Variants in SEMA3E observed in about 807,000 individuals in gnomAD.
SEMA3E encodes the protein semaphorin 3E, also known as semaphorin-3E.
SEMA3E carries 49 observed loss-of-function variants against 93.6 expected under a neutral mutation model. That is an observed-to-expected ratio of 0.52 (90% CI 0.42 to 0.66). SEMA3E has a LOEUF of 0.66. Ranked by LOEUF, SEMA3E falls within the 30% of genes least tolerant of loss-of-function variation. The pLI, the probability that SEMA3E is intolerant of heterozygous loss-of-function variation, is 0.00. For missense variants in SEMA3E, 906 were observed against 964.8 expected (o/e 0.94, Z 0.81); for synonymous variants, 363 against 330.7 (o/e 1.10, Z -1.06).
intron 1 of SEMA3E, among the ~76,000 whole-genome samples, chr7:83,556,754 C>G (rs1334746623): frequency 6.6e-6 from 1 of 152,124 alleles, no homozygotes; most frequent in Admixed American, 6.5e-5. Context: ...AACTTAATCC[C>G]CAGTGAAACA....
intron 9 of SEMA3E, among the ~76,000 whole-genome samples, chr7:83,404,991 C>T (rs1788300129): frequency 1.3e-5 from 2 of 151,858 alleles, no homozygotes; most frequent in Non-Finnish European, 2.9e-5. Context: ...AAAATCAGAC[C>T]ATTAGTGAAC....
rs759436104 is a variant in SEMA3E at position 83,367,805 on chromosome 7, C to A, written c.2109G>T (p.Ser703=). 3.7e-6 allele frequency: 6 copies of A among 1,613,956 alleles called. No homozygotes were observed. The highest frequency in any genetic ancestry group is 2.2e-5 in the South Asian group (2 of 91,088). The change falls in exon 17 of 17, where the codon TCG becomes TCT. Residue 703 remains serine, a synonymous_variant. Transcript: ENST00000643230. ...RMPCPAQSSI[S]QGAKPWYKEF... ...CCTTGTACCATGGTTTTGCTCCCTGCGAGATGCTACTCTGAGCAGGACAAG... is the reference window on the plus strand; with the variant it reads ...CCTTGTACCATGGTTTTGCTCCCTGAGAGATGCTACTCTGAGCAGGACAAG...
intron 1 of SEMA3E, among the ~76,000 whole-genome samples, chr7:83,568,687 T>C (rs1479869614): frequency 2.0e-5 from 3 of 152,068 alleles, no homozygotes; most frequent in Non-Finnish European, 2.9e-5. Context: ...TTGTGATAAA[T>C]ACTCTCAAAA....
At chr7:83,405,607 C>A in intron 8 of SEMA3E, 88 bp from the exon 9 acceptor site, 1 of 1,078,436 alleles carries the variant, frequency 9.3e-7, no homozygotes, top group Non-Finnish European at 1.4e-6. Context: ...TTGTTTAGAA[C>A]TCATTATAGA....
intron 16 of SEMA3E, among the ~76,000 whole-genome samples, chr7:83,369,113 T>C (rs1794717336): frequency 6.6e-6 from 1 of 152,206 alleles, no homozygotes; most frequent in Non-Finnish European, 1.5e-5. Flanking sequence ...CCCAGGATCT[T>C]ACGATAATGG....
At chr7:83,564,634 C>G (rs1414537165) in intron 1 of SEMA3E, among the ~76,000 whole-genome samples, 1 of 152,128 alleles carries the variant, frequency 6.6e-6, no homozygotes, top group Non-Finnish European at 1.5e-5. Context: ...CACAATCACT[C>G]TTTCTCCCAA....
At chr7:83,542,377 A>G (rs1393343590) in intron 1 of SEMA3E, among the ~76,000 whole-genome samples, 1 of 152,056 alleles carries the variant, frequency 6.6e-6, no homozygotes, top group Non-Finnish European at 1.5e-5. Context: ...TGATAACTAG[A>G]ATTAGAAAAA....
chr7:83,454,231 G>C (rs1158008999), intron 4 of SEMA3E, among the ~76,000 whole-genome samples: 9 of 127,980 alleles, frequency 7.0e-5, no homozygotes, highest in East Asian at 2.4e-4. Context: ...GCACTCCAGC[G>C]TGGGCGACAG....
At chr7:83,551,832 C>T (rs953648928) in intron 1 of SEMA3E, among the ~76,000 whole-genome samples, 2 of 152,076 alleles carry the variant, frequency 1.3e-5, no homozygotes, top group Admixed American at 1.3e-4. Context: ...GTAGCAGCAT[C>T]CCTAGCCTCT....
intron 6 of SEMA3E, among the ~76,000 whole-genome samples, chr7:83,407,663 AT>A (rs1258720555): frequency 1.3e-5 from 2 of 152,142 alleles, no homozygotes; most frequent in Non-Finnish European, 2.9e-5. Context: ...TTTATTTTTA[AT>A]TCATAAATGA....
rs1157909740 is a variant in SEMA3E, at chr7:83,464,498, CT to C, written c.456+1983del. ...TCCAAGCCATCACAGCTGATATCTC[CT>C]GGTGCTATCCCCAAACTGCCACTCT... On this transcript the variant is annotated intron_variant, in intron 4 of 16. Transcript: ENST00000643230. Among the ~76,000 whole-genome samples, 20 of 108,350 alleles carry C rather than the reference CT, an allele frequency of 1.8e-4. 2 individuals carry two copies. The highest frequency in any genetic ancestry group is 4.8e-4 in the African/African-American group (17 of 35,238). The allele number at this position is 108,350 out of a possible 152,430, so 71.1% of individuals were successfully genotyped here.
intron 4 of SEMA3E, among the ~76,000 whole-genome samples, chr7:83,453,409 A>G (rs550285932): frequency 2.3e-5 from 3 of 132,146 alleles, no homozygotes; most frequent in Non-Finnish European, 4.8e-5. Context: ...AAATAATCCC[A>G]TTCTCCCTAC....
intron 1 of SEMA3E, among the ~76,000 whole-genome samples, chr7:83,567,724 T>G (rs973452102): frequency 4.5e-4 from 69 of 151,922 alleles, no homozygotes; most frequent in African/African-American, 1.6e-3. Context: ...TCCTGAAACA[T>G]AATATACAAA....
chr7:83,418,084 T>G (rs188981124), intron 5 of SEMA3E, among the ~76,000 whole-genome samples: 12 of 152,248 alleles, frequency 7.9e-5, no homozygotes, highest in African/African-American at 2.2e-4. Context: ...TCTGGCAAAA[T>G]TTTTATAAAG....
At chr7:83,457,910 T>A (rs1789523105) in intron 4 of SEMA3E, among the ~76,000 whole-genome samples, 1 of 152,108 alleles carries the variant, frequency 6.6e-6, no homozygotes, top group African/African-American at 2.4e-5. Context: ...ATCAAAGTAT[T>A]CTCCTTGCCT....
chr7:83,586,085 C>G (rs1792620885), intron 1 of SEMA3E, among the ~76,000 whole-genome samples: 1 of 152,084 alleles, frequency 6.6e-6, no homozygotes, highest in African/African-American at 2.4e-5. Flanking sequence ...TCTTTGCAAA[C>G]AAATTATGGA....
chr7:83,545,566 A>AAAAAAAG (rs1554336843), intron 1 of SEMA3E, among the ~76,000 whole-genome samples: 6 of 105,884 alleles, frequency 5.7e-5, no homozygotes, highest in Admixed American at 9.5e-5. Context: ...AAAAAAAAAA[A>AAAAAAAG]AAAGAAATAG....
intron 1 of SEMA3E, among the ~76,000 whole-genome samples, chr7:83,634,295 T>C (rs1793839651): frequency 6.6e-6 from 1 of 152,202 alleles, no homozygotes; most frequent in South Asian, 2.1e-4. Flanking sequence ...TTTATTAGTG[T>C]GTAAGCTATC....
At chr7:83,554,320 T>A (rs1791837184) in intron 1 of SEMA3E, among the ~76,000 whole-genome samples, 1 of 152,132 alleles carries the variant, frequency 6.6e-6, no homozygotes, top group Non-Finnish European at 1.5e-5. Context: ...ATTTTCAAAC[T>A]TCAAATAGTA....
Sources: allele counts gnomAD v4.1 joint callset (sites outside exome capture counted in the v4.1 genomes callset), GRCh38; gene constraint gnomAD v4.1.1; transcripts MANE v1.5; gene names NCBI Gene and HGNC (gene_info 2026-07-23, HGNC 2026-07-21).